STARD9: variants seen among roughly 807,000 people sequenced by gnomAD.
The protein encoded by STARD9 is StAR related lipid transfer domain containing 9, also known as stAR-related lipid transfer protein 9.
Under a neutral mutation model 399.8 loss-of-function variants are expected in STARD9, and 346 were observed. The observed-to-expected ratio is 0.87, with a 90% CI of 0.79 to 0.95. The LOEUF (loss-of-function observed/expected upper bound fraction) is 0.95, where lower values mean the gene tolerates loss of function less well. Among genes scored for constraint, STARD9 ranks in the 40% least tolerant of loss-of-function variants. The probability of loss-of-function intolerance (pLI) is 0.00; values close to 1 mark genes in which losing one functional copy is unlikely to be tolerated. For synonymous variants in STARD9, 2,203 were observed against 2,143.5 expected (o/e 1.03, Z -0.77); for missense variants, 5,832 against 5,667.5 (o/e 1.03, Z -0.93).
chr15:42,692,683 A>G lies in STARD9; in HGVS notation c.11105A>G (p.Asp3702Gly). The change falls in exon 23 of 33, where the codon GAT becomes GGT. Residue 3702 changes from aspartate (D) to glycine (G), a missense_variant. Physicochemically the swap from Asp to Gly is moderately conservative, Grantham distance 94. This residue lies in a region of STARD9 where 5,828 missense variants were observed against 5,651.1 expected (regional missense o/e 1.03). Coordinates refer to ENST00000290607, the MANE Select transcript of STARD9 (RefSeq NM_020759.3). ...SELLGSLSQP[D>G]VARREQNTKR... ...CTGCTTGGGAGTCTCTCCCAGCCAG[A>G]TGTGGCCAGAAGGGAGCAGAACACC... 1 of 1,537,176 alleles carries G rather than the reference A, an allele frequency of 6.5e-7. No individual in the cohort carries two copies. Among genetic ancestry groups the G allele is most frequent in the South Asian group, 1.2e-5 (1 of 84,058 alleles).
chr15:42,677,005 C>A (rs1326521193), intron 20 of STARD9, among the ~76,000 whole-genome samples: 1 of 149,512 alleles, frequency 6.7e-6, no homozygotes, highest in Admixed American at 6.8e-5. Flanking sequence ...GTAATCCCAG[C>A]ACTTTGGGAG....
At chr15:42,603,656 T>C (rs988216007) in intron 3 of STARD9, among the ~76,000 whole-genome samples, 1 of 151,928 alleles carries the variant, frequency 6.6e-6, no homozygotes, top group African/African-American at 2.4e-5. Context: ...TAAAGGATAG[T>C]TTTGCAGGCA....
chr15:42,709,715 A>G (rs1194977662), intron 26 of STARD9, among the ~76,000 whole-genome samples: 1 of 152,098 alleles, frequency 6.6e-6, no homozygotes, highest in African/African-American at 2.4e-5. Context: ...AATATTGGAG[A>G]TGATGGAAAA....
chr15:42,656,433 T>C (rs1057158740), intron 9 of STARD9, among the ~76,000 whole-genome samples: 1 of 139,792 alleles, frequency 7.2e-6, no homozygotes, highest in Non-Finnish European at 1.5e-5. Flanking sequence ...TAAACTAGTA[T>C]CACCATTATG....
chr15:42,689,367 A>G lies in STARD9; in HGVS notation c.7789A>G (p.Lys2597Glu), dbSNP rs775915547. Reference sequence around the variant, plus strand: ...AAGGGTTGCTGGCAGGCCTCAGTGTAAACAAATAGACCAGTCATCATCAGA... The same window carrying G: ...AAGGGTTGCTGGCAGGCCTCAGTGTGAACAAATAGACCAGTCATCATCAGA... ...SSRVAGRPQC[K>E]QIDQSSSDQT... is the part of the protein sequence containing the mutation. The change falls in exon 23 of 33, where the codon AAA becomes GAA. Residue 2597 changes from lysine (K) to glutamate (E), a missense_variant. By Grantham distance (56) the Lys-to-Glu change is moderately conservative (BLOSUM62 1). This residue lies in a region of STARD9 where 5,828 missense variants were observed against 5,651.1 expected (regional missense o/e 1.03). Transcript: ENST00000290607. The G allele has an allele frequency of 1.4e-5, 22 of 1,537,200 alleles. No individual in the cohort carries two copies. The highest frequency in any genetic ancestry group is 1.7e-4 in the Middle Eastern group (1 of 6,010).
intron 1 of STARD9, 92 bp from the exon 2 acceptor site, chr15:42,583,254 G>C (rs1566849713): frequency 1.1e-6 from 1 of 891,268 alleles, no homozygotes; most frequent in South Asian, 1.6e-5. Context: ...TACAGCAGTA[G>C]GGAAATATTT....
chr15:42,651,181 T>G, intron 8 of STARD9, 96 bp downstream of exon 8: 1 of 835,066 alleles, frequency 1.2e-6, no homozygotes, highest in Non-Finnish European at 1.8e-6. Flanking sequence ...CACTTAAAAT[T>G]GTCTCTGTGT....
In STARD9 at chr15:42,663,460, G is replaced by A; in HGVS notation, c.1048G>A (p.Gly350Arg). 6.5e-7 allele frequency: 1 copy of A among 1,537,280 alleles called. No individual in the cohort carries two copies. Among genetic ancestry groups the A allele is most frequent in the Non-Finnish European group, 8.7e-7 (1 of 1,146,900 alleles). The change falls in exon 12 of 33, where the codon GGA becomes AGA. Residue 350 changes from glycine (G) to arginine (R), a missense_variant. By Grantham distance (125) the Gly-to-Arg change is moderately radical (BLOSUM62 -2). Transcript: ENST00000290607. Reference protein sequence around the residue: ...VLTWLLKDSLGGNSKTIMVAT... With the variant: ...VLTWLLKDSLRGNSKTIMVAT... ...GACCTGGCTGCTGAAGGACAGCCTT[G>A]GAGGCAACTCTAAAACCATCATGGT...
At chr15:42,602,986 C>A (rs1187054164) in intron 3 of STARD9, among the ~76,000 whole-genome samples, 1 of 152,130 alleles carries the variant, frequency 6.6e-6, no homozygotes, top group Non-Finnish European at 1.5e-5. Flanking sequence ...GCCTCATATC[C>A]AGTATGGATC....
At chr15:42,715,737 G>GA (rs1442939975) in intron 26 of STARD9, among the ~76,000 whole-genome samples, 1 of 152,150 alleles carries the variant, frequency 6.6e-6, no homozygotes, top group Admixed American at 6.5e-5. Flanking sequence ...TGGAGCTCCT[G>GA]ACCTCAGGTG....
At chr15:42,595,491 A>C (rs1274037467) in intron 3 of STARD9, among the ~76,000 whole-genome samples, 1 of 152,176 alleles carries the variant, frequency 6.6e-6, no homozygotes, top group African/African-American at 2.4e-5. Flanking sequence ...TTAAAGGTTC[A>C]ATGTATGACT....
At chr15:42,587,394 T>G (rs1174044334) in intron 3 of STARD9, among the ~76,000 whole-genome samples, 1 of 152,172 alleles carries the variant, frequency 6.6e-6, no homozygotes, top group Non-Finnish European at 1.5e-5. Flanking sequence ...AGTGGGCCTC[T>G]TCTGTTATAT....
At chr15:42,705,970 C>T (rs1370570869) in intron 26 of STARD9, among the ~76,000 whole-genome samples, 2 of 152,070 alleles carry the variant, frequency 1.3e-5, no homozygotes, top group South Asian at 4.1e-4. Context: ...CCAGGCTTTT[C>T]TCAAACTCCT....
In STARD9 at chr15:42,686,598, C is replaced by G; in HGVS notation, c.5020C>G (p.Pro1674Ala). ...KADHWSQGWAPLRKNSAVQPG... is the reference protein window; with the variant it reads ...KADHWSQGWAALRKNSAVQPG... ...AGACCATTGGTCCCAAGGCTGGGCTCCTCTCAGGAAAAATAGTGCAGTCCA... is the reference window on the plus strand; with the variant it reads ...AGACCATTGGTCCCAAGGCTGGGCTGCTCTCAGGAAAAATAGTGCAGTCCA... Residue 1674 changes from proline to alanine, a missense_variant, in exon 23 of 33, where the codon CCT becomes GCT. This residue lies in a region of STARD9 where 5,828 missense variants were observed against 5,651.1 expected (regional missense o/e 1.03). Transcript: ENST00000290607. 6.5e-7 allele frequency: 1 copy of G among 1,537,398 alleles called. No individual in the cohort carries two copies. Among genetic ancestry groups the G allele is most frequent in the Non-Finnish European group, 8.7e-7 (1 of 1,147,000 alleles).
At chr15:42,576,655 T>C (rs2058063199) in intron 1 of STARD9, among the ~76,000 whole-genome samples, 1 of 152,118 alleles carries the variant, frequency 6.6e-6, no homozygotes, top group Admixed American at 6.5e-5. Context: ...GAGGCACATG[T>C]TGGAATTATT....
chr15:42,682,603 C>A (rs1376505717), intron 22 of STARD9, 28 bp downstream of exon 22: 1 of 1,491,300 alleles, frequency 6.7e-7, no homozygotes, highest in Non-Finnish European at 8.9e-7. Context: ...CACTGGGAAG[C>A]ACTCGGTTAA....
chr15:42,643,855 G>A (rs538170508), intron 7 of STARD9, among the ~76,000 whole-genome samples: 2 of 152,244 alleles, frequency 1.3e-5, no homozygotes, highest in East Asian at 1.9e-4. Flanking sequence ...TCATCAATCA[G>A]TTTAAAGTAT....
chr15:42,676,728 C>T (rs1485723224), intron 20 of STARD9, among the ~76,000 whole-genome samples: 6 of 152,078 alleles, frequency 3.9e-5, no homozygotes, highest in African/African-American at 1.4e-4. Flanking sequence ...TGACCTCTGC[C>T]TTAGAGATTT....
At chr15:42,650,352 T>A (rs1344375305) in intron 7 of STARD9, among the ~76,000 whole-genome samples, 1 of 152,220 alleles carries the variant, frequency 6.6e-6, no homozygotes, top group Non-Finnish European at 1.5e-5. Context: ...TCTGGAACAG[T>A]TGGGAAGGCC....
Sources: gnomAD v4.1 joint callset for allele counts (sites outside exome capture counted in the v4.1 genomes callset) on GRCh38, gnomAD v4.1.1 for gene constraint, gnomAD v4.1.1 regional missense constraint, MANE v1.5 for transcripts, NCBI Gene and HGNC (gene_info 2026-07-23, HGNC 2026-07-21) for gene names.